PCOLCE2: variants seen among roughly 807,000 people sequenced by gnomAD.
PCOLCE2 encodes the protein procollagen C-proteinase enhancer 2.
A neutral mutation model predicts 47.0 loss-of-function variants in PCOLCE2; 42 were observed. The observed-to-expected ratio is 0.89, with a 90% CI of 0.70 to 1.16. The LOEUF (loss-of-function observed/expected upper bound fraction) is 1.16. PCOLCE2 is among the 50% of genes most tolerant of loss of function. PCOLCE2 has a pLI of 0.00. For missense variants in PCOLCE2, 500 were observed against 526.1 expected, an observed-to-expected ratio of 0.95 and a Z score of 0.49; for synonymous variants, 169 against 191.7, an observed-to-expected ratio of 0.88 and a Z score of 0.98.
intron 5 of PCOLCE2, among the ~76,000 whole-genome samples, chr3:142,833,201 G>GT (rs1302335985): frequency 1.3e-5 from 2 of 151,552 alleles, no homozygotes; most frequent in African/African-American, 4.8e-5. Flanking sequence ...TTTGTTTTGT[G>GT]TTTTTGAGAC....
chr3:142,826,452 C>T (rs1233670870), intron 6 of PCOLCE2, among the ~76,000 whole-genome samples: 1 of 152,190 alleles, frequency 6.6e-6, no homozygotes, highest in East Asian at 1.9e-4. Context: ...GAAGTCATGC[C>T]TTCTGTGAGT....
chr3:142,844,997 A>G (rs1937307791), intron 3 of PCOLCE2, among the ~76,000 whole-genome samples: 2 of 152,182 alleles, frequency 1.3e-5, no homozygotes, highest in African/African-American at 4.8e-5. Flanking sequence ...AATCCATTCT[A>G]ACAATAACTG....
At position 142,838,811 on chromosome 3, in the gene PCOLCE2, A is replaced by G; in HGVS notation, c.669T>C (p.Asp223=). 6.2e-7 allele frequency: 1 copy of G among 1,613,910 alleles called. No individual in the cohort carries two copies. Among genetic ancestry groups the G allele is most frequent in the South Asian group, 1.1e-5 (1 of 91,056 alleles). The change falls in exon 5 of 9, where the codon GAT becomes GAC. Residue 223 remains aspartate (D), a synonymous_variant. Transcript: ENST00000295992. ...VAVFNGGEVN[D]ARRIGKYCGD... is the part of the protein sequence containing the mutation. ...CACAATACTTTCCAATTCTTCTAGCATCGTTGACTTCCCCGCCATTAAACA... is the reference window on the plus strand; with the variant it reads ...CACAATACTTTCCAATTCTTCTAGCGTCGTTGACTTCCCCGCCATTAAACA...
chr3:142,865,156 G>GTT (rs61667058), intron 2 of PCOLCE2, among the ~76,000 whole-genome samples: 1,582 of 142,970 alleles, frequency 0.011, 38 homozygotes, highest in African/African-American at 0.038. Context: ...TATTCTCTGT[G>GTT]TTTTTTTTTT....
At chr3:142,843,496 T>C (rs1234602749) in intron 3 of PCOLCE2, among the ~76,000 whole-genome samples, 1 of 150,572 alleles carries the variant, frequency 6.6e-6, no homozygotes, top group Non-Finnish European at 1.5e-5. Context: ...ATATATAATA[T>C]GTATATAATA....
intron 2 of PCOLCE2, among the ~76,000 whole-genome samples, chr3:142,861,515 A>G (rs1933182678): frequency 6.6e-6 from 1 of 152,016 alleles, no homozygotes; most frequent in Non-Finnish European, 1.5e-5. Context: ...TCTATTATCA[A>G]GTTTTAAATT....
chr3:142,858,751 G>A (rs1484131217), intron 2 of PCOLCE2, among the ~76,000 whole-genome samples: 1 of 91,524 alleles, frequency 1.1e-5, no homozygotes, highest in African/African-American at 3.0e-5. Context: ...GTGTGTGTGT[G>A]TGTAAGAGAG....
Position 142,884,293 on chromosome 3 carries a change from T to C in PCOLCE2, c.192+3376A>G, listed in dbSNP as rs144144627. On this transcript the variant is annotated intron_variant, in intron 2 of 8. Transcript: ENST00000295992. ...GGAGTTATTGGTTCTGGTTCTTAAA[T>C]AAATTAGGGTGACTTATGCCTCACC... Among the ~76,000 whole-genome samples the C allele has an allele frequency of 4.0e-3, 605 of 152,310 alleles. 7 individuals are homozygous for C. The highest frequency in any genetic ancestry group is 0.014 in the African/African-American group (564 of 41,558).
Position 142,842,191 on chromosome 3 carries a change from C to T in PCOLCE2, c.573+733G>A, listed in dbSNP as rs1315353743. Among the ~76,000 whole-genome samples the T allele has an allele frequency of 6.6e-6, 1 of 152,124 alleles. No homozygotes were observed. The highest frequency in any genetic ancestry group is 1.5e-5 in the Non-Finnish European group (1 of 68,024). Reference sequence around the variant, plus strand: ...GCTTTGTTGAGGCAAAGCATCCACACTTTTTTATTTAGTCACTAGAATAAC... The same window carrying T: ...GCTTTGTTGAGGCAAAGCATCCACATTTTTTTATTTAGTCACTAGAATAAC... On this transcript the variant is annotated intron_variant, in intron 4 of 8. Transcript: ENST00000295992. This position sits in a 1 kb window ranked among gnomAD's most constrained non-coding sequence, Gnocchi z 4.1.
Position 142,818,244 on chromosome 3 carries a change from G to T in PCOLCE2, c.*91C>A. Reference sequence around the variant, plus strand: ...CTTTCGGAATCCTCTTTCAGAATATGTAATTTTATAAGTATTTTTTTTTCT... The same window carrying T: ...CTTTCGGAATCCTCTTTCAGAATATTTAATTTTATAAGTATTTTTTTTTCT... On this transcript the variant is annotated 3_prime_UTR_variant, in exon 9 of 9. Transcript: ENST00000295992. 8.1e-7 allele frequency: 1 copy of T among 1,241,474 alleles called. No individual in the cohort carries two copies. Among genetic ancestry groups the T allele is most frequent in the Non-Finnish European group, 1.2e-6 (1 of 863,286 alleles). 76.9% of individuals were successfully genotyped at this position (1,241,474 alleles called of 1,614,324 possible). A position where few individuals can be genotyped will look rare whatever the true frequency, so the allele number is the denominator to read the frequency against.
intron 4 of PCOLCE2, among the ~76,000 whole-genome samples, chr3:142,839,583 G>A (rs1937242953): frequency 6.6e-6 from 1 of 152,138 alleles, no homozygotes. Flanking sequence ...AAAGTGCTGG[G>A]ATTACAGGCA....
intron 2 of PCOLCE2, among the ~76,000 whole-genome samples, chr3:142,871,168 T>C (rs1402124292): frequency 6.6e-6 from 1 of 152,186 alleles, no homozygotes; most frequent in Non-Finnish European, 1.5e-5. Context: ...TCTTGTCCAT[T>C]AATAATTTTT....
At position 142,829,831 on chromosome 3, in the gene PCOLCE2, C is replaced by G. The variant is rs1560130801; in HGVS notation, c.726G>C (p.Glu242Asp). Residue 242 changes from glutamate (E) to aspartate (D), a missense_variant, in exon 6 of 9, where the codon GAG becomes GAC. Physicochemically the swap from Glu to Asp is conservative, Grantham distance 45. Transcript: ENST00000295992. ...GDSPPAPIVS[E>D]RNELLIQFLS... Reference sequence around the variant, plus strand: ...AAAACTGAATAAGAAGTTCATTTCTCTCAGACACAATTGGCCTAAAAAAAG... The same window carrying G: ...AAAACTGAATAAGAAGTTCATTTCTGTCAGACACAATTGGCCTAAAAAAAG... 1 of 1,584,230 alleles carries G rather than the reference C, an allele frequency of 6.3e-7. No individual in the cohort carries two copies. The highest frequency in any genetic ancestry group is 8.6e-7 in the Non-Finnish European group (1 of 1,161,964).
intron 2 of PCOLCE2, chr3:142,887,445 A>G (rs980071804): frequency 1.7e-5 from 7 of 408,252 alleles, no homozygotes; most frequent in Admixed American, 1.2e-4. Flanking sequence ...CTGAGAATTT[A>G]TTCCTTCAAG....
At chr3:142,862,538 A>G (rs937049184) in intron 2 of PCOLCE2, among the ~76,000 whole-genome samples, 58 of 152,250 alleles carry the variant, frequency 3.8e-4, no homozygotes, top group Admixed American at 2.9e-3. Context: ...ACTGAAATAA[A>G]TGCTTAAATA....
chr3:142,844,565 T>C (rs1937303253), intron 3 of PCOLCE2, among the ~76,000 whole-genome samples: 1 of 152,204 alleles, frequency 6.6e-6, no homozygotes, highest in African/African-American at 2.4e-5. Context: ...CACTTGGTGG[T>C]GTCAGTTTTT....
chr3:142,873,756 C>CACTG (rs1372690087), intron 2 of PCOLCE2, among the ~76,000 whole-genome samples: 1 of 152,184 alleles, frequency 6.6e-6, no homozygotes, highest in East Asian at 1.9e-4. Context: ...GATGTTGGTA[C>CACTG]ACTGACTGAC....
At chr3:142,828,509 G>A (rs540632476) in intron 6 of PCOLCE2, among the ~76,000 whole-genome samples, 9 of 152,224 alleles carry the variant, frequency 5.9e-5, no homozygotes, top group East Asian at 1.9e-4. Flanking sequence ...TGGTGGGAGC[G>A]GGGTAGGGCA....
intron 6 of PCOLCE2, among the ~76,000 whole-genome samples, chr3:142,826,237 G>A (rs1369871288): frequency 6.6e-6 from 1 of 151,956 alleles, no homozygotes; most frequent in African/African-American, 2.4e-5. Flanking sequence ...TCGATCTCCT[G>A]ACCTCATGAT....
Sources: gnomAD v4.1 joint callset for allele counts (sites outside exome capture counted in the v4.1 genomes callset) on GRCh38, gnomAD v4.1.1 for gene constraint, Gnocchi (gnomAD v3.1) non-coding constraint, MANE v1.5 for transcripts, NCBI Gene and HGNC (gene_info 2026-07-23, HGNC 2026-07-21) for gene names.